Variants in FRMD4A observed in about 807,000 individuals in gnomAD.
FRMD4A encodes FERM domain containing 4A, also known as FERM domain-containing protein 4A.
In FRMD4A, 29 loss-of-function variants were observed where a neutral mutation model predicts 129.1. The ratio of observed to expected loss-of-function variants is 0.22; its 90% CI spans 0.17 to 0.31. FRMD4A has a LOEUF of 0.31. Among genes scored for constraint, FRMD4A ranks in the 10% least tolerant of loss-of-function variants. The pLI is 1.00. For missense variants in FRMD4A, 1,272 were observed against 1,375.8 expected (o/e 0.92, Z 1.19); for synonymous variants, 634 against 571.6 (o/e 1.11, Z -1.56).
intron 15 of FRMD4A, among the ~76,000 whole-genome samples, chr10:13,678,713 G>A (rs938298548): frequency 6.6e-6 from 1 of 152,214 alleles, no homozygotes; most frequent in African/African-American, 2.4e-5. Context: ...CCAATTCAGT[G>A]TAACACTTGA....
intron 2 of FRMD4A, among the ~76,000 whole-genome samples, chr10:14,208,821 C>A (rs1163901979): frequency 6.6e-6 from 1 of 152,152 alleles, no homozygotes; most frequent in African/African-American, 2.4e-5. Context: ...TTCCCGGATC[C>A]TTGGAAGATC....
chr10:14,103,542 T>G (rs1399576215), intron 2 of FRMD4A, among the ~76,000 whole-genome samples: 1 of 152,166 alleles, frequency 6.6e-6, no homozygotes, highest in Non-Finnish European at 1.5e-5. Context: ...CAGACTGTTT[T>G]TGTCGCAAAA....
At chr10:14,175,278 C>T (rs1364454436) in intron 2 of FRMD4A, among the ~76,000 whole-genome samples, 1 of 152,120 alleles carries the variant, frequency 6.6e-6, no homozygotes, top group Non-Finnish European at 1.5e-5. Flanking sequence ...GTCCCTTGCC[C>T]TTCTTTCCAT....
chr10:14,139,763 A>G (rs1480156733), intron 2 of FRMD4A, among the ~76,000 whole-genome samples: 3 of 152,274 alleles, frequency 2.0e-5, no homozygotes, highest in Admixed American at 2.0e-4. Context: ...TATGTTTCCT[A>G]TAAGACATAT....
intron 2 of FRMD4A, among the ~76,000 whole-genome samples, chr10:14,307,886 T>C (rs1358923811): frequency 2.0e-5 from 3 of 152,224 alleles, no homozygotes; most frequent in Admixed American, 2.0e-4. Context: ...GTCCTAGTTC[T>C]TTACTGGGGT....
intron 24 of FRMD4A, among the ~76,000 whole-genome samples, chr10:13,650,419 C>CTCGTGTATGTAT (rs1224203239): frequency 6.7e-6 from 1 of 150,298 alleles, no homozygotes; most frequent in African/African-American, 2.5e-5. Context: ...TGAGCATGAA[C>CTCGTGTATGTAT]TCGTGTATGT....
At chr10:14,091,577 G>T (rs1998915) in intron 2 of FRMD4A, among the ~76,000 whole-genome samples, 2,633 of 152,290 alleles carry the variant, frequency 0.017, 113 homozygotes, top group East Asian at 0.16. Context: ...GGGACTACAG[G>T]CATGGGCCAC....
intron 2 of FRMD4A, among the ~76,000 whole-genome samples, chr10:14,221,302 A>G (rs559511015): frequency 6.6e-6 from 1 of 152,276 alleles, no homozygotes; most frequent in South Asian, 2.1e-4. Flanking sequence ...TAACTGCTCC[A>G]TCTGTGGAGG....
chr10:14,306,573 C>T (rs1846360316), intron 2 of FRMD4A, among the ~76,000 whole-genome samples: 1 of 152,236 alleles, frequency 6.6e-6, no homozygotes, highest in Admixed American at 6.5e-5. Context: ...CACAGGCCCT[C>T]TCTACCAGGC....
chr10:13,807,628 A>G (rs2093377676), intron 4 of FRMD4A, among the ~76,000 whole-genome samples: 1 of 152,154 alleles, frequency 6.6e-6, no homozygotes. Context: ...AATGAATACA[A>G]CTTATGGAGT....
At chr10:14,004,812 T>TAAAACTCGTAAATAGC (rs1346533190) in intron 2 of FRMD4A, among the ~76,000 whole-genome samples, 2 of 152,172 alleles carry the variant, frequency 1.3e-5, no homozygotes, top group African/African-American at 4.8e-5. Flanking sequence ...GAGTAAATAG[T>TAAAACTCGTAAATAGC]AAAACTCGTA....
chr10:13,828,514 T>C (rs4750427), intron 3 of FRMD4A, among the ~76,000 whole-genome samples: 116,784 of 150,086 alleles, frequency 0.78, 45,601 homozygotes, highest in East Asian at 0.9. Context: ...ATGTATACCA[T>C]GTTTTCTTCT....
rs553415527 is a variant in FRMD4A, at chr10:13,762,360, A to T, written c.441+264T>A. The stretch of plus-strand genomic sequence containing the variant: ...CCAAAGAAAATGGGGTCAGTAAATG[A>T]TCTCAGTTTCTCCCAGGCTCAGGTT... On this transcript the variant is annotated intron_variant, in intron 7 of 24. Transcript: ENST00000357447. Among the ~76,000 whole-genome samples the T allele has an allele frequency of 1.1e-3, 166 of 152,270 alleles. 2 individuals carry two copies. The highest frequency in any genetic ancestry group is 3.9e-3 in the African/African-American group (161 of 41,568).
intron 2 of FRMD4A, among the ~76,000 whole-genome samples, chr10:14,263,367 C>A (rs1844869884): frequency 6.6e-6 from 1 of 152,210 alleles, no homozygotes; most frequent in African/African-American, 2.4e-5. Flanking sequence ...ACTTGCAAGG[C>A]TGCCGGCCAG....
chr10:13,961,548 A>ACG (rs2095445620), intron 2 of FRMD4A, among the ~76,000 whole-genome samples: 1 of 152,220 alleles, frequency 6.6e-6, no homozygotes, highest in South Asian at 2.1e-4. Context: ...CATCTGCCAT[A>ACG]GCAACTTTGG....
intron 2 of FRMD4A, among the ~76,000 whole-genome samples, chr10:14,246,986 T>C (rs1045518927): frequency 2.6e-5 from 4 of 151,994 alleles, no homozygotes; most frequent in African/African-American, 4.8e-5. Flanking sequence ...CCCTGAGGGG[T>C]ATATCAAGCT....
intron 2 of FRMD4A, among the ~76,000 whole-genome samples, chr10:14,227,490 G>A (rs2131982378): frequency 6.6e-6 from 1 of 151,940 alleles, no homozygotes; most frequent in East Asian, 1.9e-4. Context: ...GACCTCAAGT[G>A]ATCCACCCAC....
rs908973283 is a variant in FRMD4A at position 13,984,586 on chromosome 10, C to T, written c.46-125674G>A. Among the ~76,000 whole-genome samples the T allele has an allele frequency of 5.3e-5, 8 of 152,134 alleles. No homozygotes were observed. In the East Asian group the frequency reaches 5.8e-4, roughly 11 times the overall value. ...ACTCTGTTTTGCTTTCTGTCCCTGT[C>T]GGTTTGACAATTCTTCGTAGCTCGT... On this transcript the variant is annotated intron_variant, in intron 2 of 24. Transcript: ENST00000357447.
At chr10:13,968,486 C>G (rs1245609100) in intron 2 of FRMD4A, among the ~76,000 whole-genome samples, 4 of 152,214 alleles carry the variant, frequency 2.6e-5, no homozygotes, top group African/African-American at 7.2e-5. Context: ...TAGTCTCACT[C>G]TTCTCACCCA....
Sources: gnomAD v4.1 joint callset for allele counts (sites outside exome capture counted in the v4.1 genomes callset) on GRCh38, gnomAD v4.1.1 for gene constraint, MANE v1.5 for transcripts, NCBI Gene and HGNC (gene_info 2026-07-23, HGNC 2026-07-21) for gene names.